Variants in EPS8L2 observed in about 807,000 individuals in gnomAD.
EPS8L2 encodes the protein EPS8 signaling adaptor L2, also known as epidermal growth factor receptor kinase substrate 8-like protein 2.
In EPS8L2, 81 loss-of-function variants were observed where a neutral mutation model predicts 99.4. The observed-to-expected ratio is 0.82, with a 90% CI of 0.68 to 0.98. The LOEUF is 0.98. Among genes scored for constraint, EPS8L2 ranks in the 50% least tolerant of loss-of-function variants. The pLI is 0.00. For missense variants in EPS8L2, 1,155 were observed against 968.8 expected, an observed-to-expected ratio of 1.19 and a Z score of -2.55; for synonymous variants, 509 against 407.3, an observed-to-expected ratio of 1.25 and a Z score of -3.01.
intron 18 of EPS8L2, 65 bp from the exon 19 acceptor site, chr11:726,239 G>GGA (rs1862317120): frequency 3.2e-6 from 5 of 1,564,994 alleles, no homozygotes; most frequent in Non-Finnish European, 4.3e-6. Flanking sequence ...TGTGGGGGGG[G>GGA]TCCCTGGGCC....
rs71464110 is a variant in EPS8L2 at position 714,236 on chromosome 11, C to CTT, written c.165+3760_165+3761dup. Among the ~76,000 whole-genome samples the CTT allele has an allele frequency of 2.0e-3, 284 of 145,188 alleles. 2 individuals are homozygous for CTT. Among genetic ancestry groups the CTT allele is most frequent in the Middle Eastern group, 7.2e-3 (2 of 278 alleles). On this transcript the variant is annotated intron_variant, in intron 4 of 20. Transcript: ENST00000318562. ...GTGTTTTCTTTTTCTTTTCTTTTTT[C>CTT]TTTTTTTTTTTGAGGTGGAGCTTTG...
chr11:714,409 T>G (rs1213074696), intron 4 of EPS8L2, among the ~76,000 whole-genome samples: 2 of 151,492 alleles, frequency 1.3e-5, no homozygotes. Context: ...TTTTGTATTT[T>G]CATCAGAGAT....
At chr11:708,726 A>G (rs898563319) in intron 1 of EPS8L2, 2 of 152,492 alleles carry the variant, frequency 1.3e-5, no homozygotes, top group Admixed American at 1.3e-4. Flanking sequence ...GGCCCAGGAA[A>G]GAGCCAAGGG....
chr11:723,309 C>A lies in EPS8L2; in HGVS notation c.1410C>A (p.Pro470=), dbSNP rs141487079. The change falls in exon 15 of 21, where the codon CCC becomes CCA. Residue 470 remains proline, a synonymous_variant. Coordinates refer to ENST00000318562, the MANE Select transcript of EPS8L2 (RefSeq NM_022772.4). ...ACAGCCCCACTTCAGAGCCCACCCC[C>A]CCGGGGGATGCCCTACCACCAGTCA... ...QKHSPTSEPT[P]PGDALPPVSS... is the part of the protein sequence containing the mutation. 3.9e-5 allele frequency: 63 copies of A among 1,601,218 alleles called. No individual in the cohort carries two copies. In the African/African-American group the frequency reaches 7.8e-4, roughly 20 times the overall value.
At chr11:722,288 G>A in intron 12 of EPS8L2, 113 bp from the exon 13 acceptor site, 1 of 1,536,342 alleles carries the variant, frequency 6.5e-7, no homozygotes, top group Non-Finnish European at 8.9e-7. Context: ...ACGCTGTGTG[G>A]CCACTCTCCC....
At chr11:726,509 G>C (rs1305711300) in intron 19 of EPS8L2, 25 bp downstream of exon 19, 1 of 1,532,096 alleles carries the variant, frequency 6.5e-7, no homozygotes, top group East Asian at 2.5e-5. Flanking sequence ...GGGATGAGCT[G>C]GGGCCCGGGC....
chr11:727,068 A>G lies in EPS8L2; in HGVS notation c.*87A>G, dbSNP rs1862351530. 7 of 962,328 alleles carry G rather than the reference A, an allele frequency of 7.3e-6. No individual in the cohort carries two copies. The highest frequency in any genetic ancestry group is 9.5e-6 in the Non-Finnish European group (6 of 628,790). The allele number at this position is 962,328 out of a possible 1,614,324, so 59.6% of individuals were successfully genotyped here. A position where few individuals can be genotyped will look rare whatever the true frequency, so the allele number is the denominator to read the frequency against. ...ATTTTTATATGTGTATGTATTTTGT[A>G]TCAAGGACACGGAGGGGGTGTGGTG... On this transcript the variant is annotated 3_prime_UTR_variant, in exon 21 of 21. Transcript: ENST00000318562.
At chr11:710,087 TCA>T (rs1007554351) in intron 3 of EPS8L2, 6 of 377,694 alleles carry the variant, frequency 1.6e-5, no homozygotes, top group Non-Finnish European at 2.5e-5. Flanking sequence ...CTGGCAGCTC[TCA>T]GAGTGGGAAG....
In EPS8L2 at chr11:726,734, CAGA is replaced by C. The variant is rs1276716744; in HGVS notation, c.2053_2055del (p.Lys685del). 8 of 1,594,840 alleles carry C rather than the reference CAGA, an allele frequency of 5.0e-6. No homozygotes were observed. The highest frequency in any genetic ancestry group is 1.1e-5 in the South Asian group (1 of 88,076). On this transcript the variant is annotated inframe_deletion, in exon 20 of 21. Coordinates refer to ENST00000318562, the MANE Select transcript of EPS8L2 (RefSeq NM_022772.4). ...CCGCGTGTACAGCCAGCTCACCATG[CAGA>C]AGGCCTTCCTGGAGGTGAGCCCGCC... is the stretch of plus-strand genomic sequence containing the variant.
At position 726,083 on chromosome 11, in the gene EPS8L2, C is replaced by T. The variant is rs1161638744; in HGVS notation, c.1681-15C>T. 2.6e-6 allele frequency: 4 copies of T among 1,534,260 alleles called. No individual in the cohort carries two copies. The highest frequency in any genetic ancestry group is 2.7e-6 in the Non-Finnish European group (3 of 1,121,868). On this transcript the variant is annotated splice_polypyrimidine_tract_variant and intron_variant, in intron 17 of 20. Transcript: ENST00000318562. ...GGCGGGGCGTGGGGAGCCTAATCGC[C>T]CCCCGCCCCCGCAGGCCGGTCAGAA...
chr11:707,608 G>A (rs1349886689), intron 1 of EPS8L2, among the ~76,000 whole-genome samples: 1 of 152,142 alleles, frequency 6.6e-6, no homozygotes, highest in African/African-American at 2.4e-5. Flanking sequence ...GCCTCCCCAG[G>A]GGGGCGGGGC....
chr11:708,244 A>G (rs1244424204), intron 1 of EPS8L2, among the ~76,000 whole-genome samples: 1 of 152,172 alleles, frequency 6.6e-6, no homozygotes, highest in Non-Finnish European at 1.5e-5. Flanking sequence ...GCCACAGAAC[A>G]GCCAGGTCCC....
At chr11:710,392 C>G (rs1458878316) in intron 3 of EPS8L2, 30 bp from the exon 4 acceptor site, 1 of 1,610,558 alleles carries the variant, frequency 6.2e-7, no homozygotes. Flanking sequence ...TCCTGCCCGT[C>G]GGGGGAGTGA....
chr11:714,837 T>C (rs1179313202), intron 4 of EPS8L2, among the ~76,000 whole-genome samples: 1 of 152,034 alleles, frequency 6.6e-6, no homozygotes, highest in Non-Finnish European at 1.5e-5. Context: ...TTGATGTCCA[T>C]TAGAGGTACT....
rs749109429 is a variant in EPS8L2, at chr11:721,663, G to A, written c.867G>A (p.Gly289=). The A allele has an allele frequency of 2.5e-6, 4 of 1,588,478 alleles. No homozygotes were observed. In the Middle Eastern group the frequency reaches 5.1e-4, roughly 201 times the overall value. The change falls in exon 10 of 21, where the codon GGG becomes GGA. Residue 289 remains glycine (G), a synonymous_variant. Coordinates refer to ENST00000318562, the MANE Select transcript of EPS8L2 (RefSeq NM_022772.4). The part of the protein sequence containing the change: ...AFKQLNQRKK[G]KKKGKKAPAE... ...AGCAGCTGAACCAGCGGAAAAAGGG[G>A]AAGAAGAAGGGCAAGAAGGCGCCAG... is the stretch of plus-strand genomic sequence containing the variant.
At position 720,811 on chromosome 11, in the gene EPS8L2, C is replaced by T; in HGVS notation, c.478-19C>T. Reference sequence around the variant, plus strand: ...CGCCGCGCCCCGCCCTCCTGGCCGCCTGACGCCCGCTTTCCCAGGCAGAGC... The same window carrying T: ...CGCCGCGCCCCGCCCTCCTGGCCGCTTGACGCCCGCTTTCCCAGGCAGAGC... On this transcript the variant is annotated intron_variant, in intron 6 of 20. Coordinates refer to ENST00000318562, the MANE Select transcript of EPS8L2 (RefSeq NM_022772.4). The T allele has an allele frequency of 1.3e-6, 2 of 1,543,548 alleles. No individual in the cohort carries two copies. The highest frequency in any genetic ancestry group is 1.7e-6 in the Non-Finnish European group (2 of 1,145,686).
intron 4 of EPS8L2, among the ~76,000 whole-genome samples, chr11:719,634 G>A (rs533911791): frequency 3.3e-5 from 5 of 152,384 alleles, no homozygotes; most frequent in Non-Finnish European, 5.9e-5. Flanking sequence ...AGCACACCAC[G>A]TGCAGCGCGA....
intron 17 of EPS8L2, 25 bp from the exon 18 acceptor site, chr11:726,073 G>C: frequency 6.7e-7 from 1 of 1,494,942 alleles, no homozygotes; most frequent in East Asian, 2.4e-5. Flanking sequence ...GGCGTGGGGA[G>C]CCTAATCGCC....
Position 709,604 on chromosome 11 carries a change from G to A in EPS8L2, c.96G>A (p.Leu32=). The part of the protein sequence containing the change: ...DGVAKMSPKD[L]FEQRKKYSNS... ...TGGCCAAGATGAGCCCCAAGGACCT[G>A]TTTGGTGAGTGAGGTTTGAGAACGG... The change falls in exon 3 of 21, where the codon CTG becomes CTA. Residue 32 remains leucine (L), a synonymous_variant. Transcript: ENST00000318562. 8 of 1,613,070 alleles carry A rather than the reference G, an allele frequency of 5.0e-6. No homozygotes were observed. Among genetic ancestry groups the A allele is most frequent in the Non-Finnish European group, 5.9e-6 (7 of 1,179,912 alleles).
Sources: allele counts gnomAD v4.1 joint callset (sites outside exome capture counted in the v4.1 genomes callset), GRCh38; gene constraint gnomAD v4.1.1; transcripts MANE v1.5; gene names NCBI Gene and HGNC (gene_info 2026-07-23, HGNC 2026-07-21).